The following IL1RAPL1 variants were observed in gnomAD, a reference collection of about 807,000 sequenced individuals.
IL1RAPL1 encodes interleukin 1 receptor accessory protein like 1, also known as interleukin-1 receptor accessory protein-like 1.
In IL1RAPL1, 3 loss-of-function variants were observed where a neutral mutation model predicts 48.4. The ratio of observed to expected loss-of-function variants is 0.06; its 90% CI spans 0.03 to 0.16. The LOEUF is 0.16. IL1RAPL1 is among the 10% of genes least tolerant of loss of function. The pLI, the probability that IL1RAPL1 is intolerant of heterozygous loss-of-function variation, is 1.00. For synonymous variants in IL1RAPL1, 185 were observed against 187.7 expected (o/e 0.99, Z 0.12); for missense variants, 349 against 530.6 (o/e 0.66, Z 3.36).
intron 2 of IL1RAPL1, among the ~76,000 whole-genome samples, chrX:29,143,569 G>T (rs1929287853): frequency 9.0e-6 from 1 of 111,520 alleles, no homozygotes; most frequent in Non-Finnish European, 1.9e-5. Flanking sequence ...CCTTTGTCCA[G>T]CAGATCCATG....
intron 2 of IL1RAPL1, among the ~76,000 whole-genome samples, chrX:29,063,778 T>C (rs959901894): frequency 2.7e-5 from 3 of 111,940 alleles, no homozygotes; most frequent in Non-Finnish European, 5.6e-5. Context: ...AAATTCTCTC[T>C]AAATTTTGGT....
At chrX:29,451,952 C>T (rs1046409317) in intron 5 of IL1RAPL1, among the ~76,000 whole-genome samples, 3 of 111,508 alleles carry the variant, frequency 2.7e-5, no homozygotes, top group African/African-American at 9.8e-5. Context: ...ACTTTTTGTG[C>T]ATATCAGAAT....
intron 2 of IL1RAPL1, among the ~76,000 whole-genome samples, chrX:29,005,422 GT>G (rs767422259): frequency 9.0e-6 from 1 of 111,290 alleles, no homozygotes; most frequent in Non-Finnish European, 1.9e-5. Context: ...TTAGAATTAG[GT>G]TTTTTTTCCT....
intron 5 of IL1RAPL1, among the ~76,000 whole-genome samples, chrX:29,545,394 G>A (rs1015170403): frequency 1.8e-5 from 2 of 111,316 alleles, no homozygotes; most frequent in African/African-American, 6.5e-5. Flanking sequence ...AGTCTTAAAT[G>A]TATATCCCAA....
intron 3 of IL1RAPL1, among the ~76,000 whole-genome samples, chrX:29,309,922 T>C (rs1407046096): frequency 1.2e-4 from 13 of 104,944 alleles, no homozygotes; most frequent in Admixed American, 5.1e-4. Flanking sequence ...GGTGAAACCC[T>C]GTCTCTACTA....
chrX:29,803,119 G>A (rs1339508636), intron 6 of IL1RAPL1, among the ~76,000 whole-genome samples: 5 of 89,173 alleles, frequency 5.6e-5, no homozygotes, highest in East Asian at 3.6e-4. Flanking sequence ...ATGTATATAT[G>A]TGTATACATG....
At chrX:28,735,490 G>T (rs1257114937) in intron 1 of IL1RAPL1, among the ~76,000 whole-genome samples, 1 of 111,090 alleles carries the variant, frequency 9.0e-6, no homozygotes, top group Non-Finnish European at 1.9e-5. Context: ...CAGAATCTTA[G>T]TGGTAACCCA....
intron 2 of IL1RAPL1, among the ~76,000 whole-genome samples, chrX:28,970,125 C>T (rs372563776): frequency 1.7e-3 from 190 of 111,523 alleles, no homozygotes; most frequent in African/African-American, 5.8e-3. Flanking sequence ...CTCAGCCTCC[C>T]GAGCAGCTGG....
chrX:29,198,349 T>G (rs1407641986), intron 2 of IL1RAPL1, among the ~76,000 whole-genome samples: 1 of 110,012 alleles, frequency 9.1e-6, no homozygotes, highest in Non-Finnish European at 1.9e-5. Flanking sequence ...CAGACTGGAA[T>G]GCAGTGGCAT....
chrX:29,037,200 G>A (rs934034176), intron 2 of IL1RAPL1, among the ~76,000 whole-genome samples: 2 of 111,706 alleles, frequency 1.8e-5, no homozygotes, highest in African/African-American at 6.5e-5. Context: ...AGCTAAAAGA[G>A]GATGTTTTAT....
chrX:29,884,854 G>A (rs748207174), intron 6 of IL1RAPL1, among the ~76,000 whole-genome samples: 2 of 111,297 alleles, frequency 1.8e-5, no homozygotes, highest in Non-Finnish European at 3.8e-5. Flanking sequence ...CATCCAATCT[G>A]TCAGGAAATT....
intron 1 of IL1RAPL1, among the ~76,000 whole-genome samples, chrX:28,752,490 G>A (rs1311120641): frequency 8.9e-6 from 1 of 112,407 alleles, no homozygotes; most frequent in Non-Finnish European, 1.9e-5. Flanking sequence ...CAGAAAATGA[G>A]CAAATTGTGC....
At chrX:29,015,508 A>G (rs974328040) in intron 2 of IL1RAPL1, among the ~76,000 whole-genome samples, 4 of 110,926 alleles carry the variant, frequency 3.6e-5, no homozygotes, top group African/African-American at 1.3e-4. Flanking sequence ...AATATGTCAC[A>G]ACAGAATAAT....
chrX:29,431,012 A>T (rs1934416273), intron 5 of IL1RAPL1, among the ~76,000 whole-genome samples: 1 of 111,550 alleles, frequency 9.0e-6, no homozygotes, highest in East Asian at 2.8e-4. Context: ...TATCTGACAG[A>T]CTGTTTGCTG....
In IL1RAPL1 at chrX:29,399,163, G is replaced by T; in HGVS notation, c.558G>T (p.Arg186Ser). The T allele has an allele frequency of 2.5e-6, 3 of 1,202,715 alleles. No individual in the cohort carries two copies. Among genetic ancestry groups the T allele is most frequent in the Non-Finnish European group, 3.4e-6 (3 of 887,647 alleles). ...GTATGTTCTTCATATAGGAATGCAG[G>T]ACAAAAACATGGAGGCCAAGTATTG... ...EPEILWYKECRTKTWRPSIVF... is the reference protein window; with the variant it reads ...EPEILWYKECSTKTWRPSIVF... Residue 186 changes from arginine to serine, a missense_variant, in exon 5 of 11, where the codon AGG (arginine) becomes AGT (serine). Coordinates refer to ENST00000378993, the MANE Select transcript of IL1RAPL1 (RefSeq NM_014271.4).
At chrX:29,368,570 G>T (rs867877155) in intron 3 of IL1RAPL1, among the ~76,000 whole-genome samples, 459 of 100,228 alleles carry the variant, frequency 4.6e-3, no homozygotes, top group Non-Finnish European at 7.2e-3. Flanking sequence ...TGGGGTGTTT[G>T]TTTGTTTTTC....
intron 2 of IL1RAPL1, among the ~76,000 whole-genome samples, chrX:29,282,240 A>G (rs761611985): frequency 8.9e-6 from 1 of 112,694 alleles, no homozygotes; most frequent in Non-Finnish European, 1.9e-5. Flanking sequence ...TAGGGCTGAG[A>G]TAGCACACCT....
At chrX:29,517,348 T>C (rs1399681452) in intron 5 of IL1RAPL1, among the ~76,000 whole-genome samples, 1 of 110,439 alleles carries the variant, frequency 9.1e-6, no homozygotes, top group Non-Finnish European at 1.9e-5. Context: ...TGTATATATA[T>C]ATATATATGT....
chrX:29,548,178 C>T (rs1490020322), intron 5 of IL1RAPL1, among the ~76,000 whole-genome samples: 1 of 112,584 alleles, frequency 8.9e-6, no homozygotes, highest in Non-Finnish European at 1.9e-5. Flanking sequence ...TTGTTCCTTG[C>T]TTATGCAAAT....
Sources: allele counts gnomAD v4.1 joint callset (sites outside exome capture counted in the v4.1 genomes callset), GRCh38; gene constraint gnomAD v4.1.1; transcripts MANE v1.5; gene names NCBI Gene and HGNC (gene_info 2026-07-23, HGNC 2026-07-21).